The following IGSF21 variants were observed in gnomAD, a reference collection of about 807,000 sequenced individuals.
The protein encoded by IGSF21 is immunoglobin superfamily member 21, also known as immunoglobulin superfamily member 21.
In IGSF21, 28 loss-of-function variants were observed where a neutral mutation model predicts 46.8. That is an observed-to-expected ratio of 0.60 (90% CI 0.44 to 0.82). The LOEUF is 0.82. IGSF21 is among the 40% of genes least tolerant of loss of function. The probability of loss-of-function intolerance (pLI) is 0.00; values close to 1 mark genes in which losing one functional copy is unlikely to be tolerated. For missense variants in IGSF21, 624 were observed against 665.5 expected, an observed-to-expected ratio of 0.94 and a Z score of 0.69; for synonymous variants, 284 against 273.6, an observed-to-expected ratio of 1.04 and a Z score of -0.38.
At chr1:18,108,512 G>A (rs1384224771) in intron 1 of IGSF21, among the ~76,000 whole-genome samples, 8 of 151,948 alleles carry the variant, frequency 5.3e-5, no homozygotes, top group Admixed American at 5.2e-4. Context: ...GTGTGTGTGC[G>A]TGTGTGTGTG....
At position 18,367,063 on chromosome 1, in the gene IGSF21, C is replaced by G. The variant is rs539101551; in HGVS notation, c.1015+1366C>G. On this transcript the variant is annotated intron_variant, in intron 6 of 9. Coordinates refer to ENST00000251296, the MANE Select transcript of IGSF21 (RefSeq NM_032880.5). ...GCCCCCAGCAGCTCCTCCCTGAGCC[C>G]GAGATGCCTGGGCTCATACTCCAAA... Among the ~76,000 whole-genome samples, 8 of 152,260 alleles carry G rather than the reference C, an allele frequency of 5.3e-5. No homozygotes were observed. In the East Asian group the frequency reaches 1.4e-3, roughly 26 times the overall value.
intron 4 of IGSF21, among the ~76,000 whole-genome samples, chr1:18,336,693 C>G (rs536147846): frequency 3.3e-5 from 5 of 152,304 alleles, no homozygotes; most frequent in East Asian, 3.9e-4. Context: ...ACCAAAGAAC[C>G]CTGAGCAGGT....
chr1:18,153,564 ATGAC>A (rs1183261332), intron 1 of IGSF21, among the ~76,000 whole-genome samples: 3 of 152,206 alleles, frequency 2.0e-5, no homozygotes, highest in African/African-American at 7.2e-5. Context: ...CACGGGGTGG[ATGAC>A]TGACTGGGAA....
At chr1:18,185,397 A>C (rs371850810) in intron 1 of IGSF21, among the ~76,000 whole-genome samples, 61 of 152,272 alleles carry the variant, frequency 4.0e-4, no homozygotes, top group African/African-American at 1.4e-3. Context: ...TATTAAAGTT[A>C]ATGGTTGAGG....
chr1:18,229,499 A>G (rs372491836), intron 2 of IGSF21, among the ~76,000 whole-genome samples: 8 of 152,204 alleles, frequency 5.3e-5, no homozygotes, highest in East Asian at 3.9e-4. Context: ...TGTTGTTGCT[A>G]TTTTGTTGGC....
chr1:18,355,518 C>A (rs2086006640), intron 4 of IGSF21, among the ~76,000 whole-genome samples: 1 of 152,018 alleles, frequency 6.6e-6, no homozygotes. Context: ...TGACATACAG[C>A]TGTGTTAGAT....
chr1:18,198,006 A>G (rs148764591), intron 1 of IGSF21, among the ~76,000 whole-genome samples: 56 of 152,302 alleles, frequency 3.7e-4, no homozygotes, highest in African/African-American at 1.3e-3. Flanking sequence ...TTAAAAATTC[A>G]ATGTGCTTAA....
intron 4 of IGSF21, among the ~76,000 whole-genome samples, chr1:18,360,362 C>CTGAA (rs1446635671): frequency 4.6e-5 from 7 of 152,144 alleles, no homozygotes; most frequent in Non-Finnish European, 1.0e-4. Context: ...GGTTGGCTCC[C>CTGAA]TGAATGAATG....
chr1:18,254,872 A>G (rs998293290), intron 2 of IGSF21, among the ~76,000 whole-genome samples: 1 of 151,884 alleles, frequency 6.6e-6, no homozygotes, highest in Non-Finnish European at 1.5e-5. Flanking sequence ...CCATCCATCC[A>G]TCCATCCATC....
intron 2 of IGSF21, among the ~76,000 whole-genome samples, chr1:18,249,311 CCA>C (rs2084814192): frequency 1.3e-5 from 2 of 152,104 alleles, no homozygotes; most frequent in African/African-American, 4.8e-5. Context: ...GCAGCTGCAG[CCA>C]TTCAGGTGAA....
chr1:18,167,080 T>C (rs1485227883), intron 1 of IGSF21: 1 of 152,836 alleles, frequency 6.5e-6, no homozygotes, highest in Non-Finnish European at 1.5e-5. Flanking sequence ...AGGCCACAAG[T>C]GCTTGCAGAG....
intron 4 of IGSF21, among the ~76,000 whole-genome samples, chr1:18,345,909 C>T (rs1175356686): frequency 6.6e-6 from 1 of 152,224 alleles, no homozygotes; most frequent in African/African-American, 2.4e-5. Context: ...TGCTCCCCCA[C>T]CTCTCACTGG....
chr1:18,172,038 G>A (rs2086742073), intron 1 of IGSF21, among the ~76,000 whole-genome samples: 1 of 152,214 alleles, frequency 6.6e-6, no homozygotes, highest in Non-Finnish European at 1.5e-5. Context: ...GTTGAGGGCT[G>A]GAACCACAGC....
chr1:18,328,469 T>C (rs1420968786), intron 3 of IGSF21, among the ~76,000 whole-genome samples: 2 of 152,216 alleles, frequency 1.3e-5, no homozygotes, highest in South Asian at 2.1e-4. Flanking sequence ...AGTAAAAAAA[T>C]CGTAAGTTGA....
intron 2 of IGSF21, among the ~76,000 whole-genome samples, chr1:18,251,158 G>A (rs569582361): frequency 6.6e-6 from 1 of 152,258 alleles, no homozygotes; most frequent in African/African-American, 2.4e-5. Flanking sequence ...ACAAGTCAGG[G>A]CGGTGACAGG....
chr1:18,263,929 C>G (rs574436912), intron 2 of IGSF21, among the ~76,000 whole-genome samples: 1 of 152,186 alleles, frequency 6.6e-6, no homozygotes, highest in African/African-American at 2.4e-5. Context: ...TAAGTGGAAG[C>G]AACAACTCAT....
In IGSF21 at chr1:18,364,722, G is replaced by A. The variant is rs566720512; in HGVS notation, c.541-501G>A. On this transcript the variant is annotated intron_variant, in intron 5 of 9. Coordinates refer to ENST00000251296, the MANE Select transcript of IGSF21 (RefSeq NM_032880.5). ...GTTTTCTGCCTTCCATCTCCAAAACGCACACGCACAGAGATTCTTTCTTCC... is the reference window on the plus strand; with the variant it reads ...GTTTTCTGCCTTCCATCTCCAAAACACACACGCACAGAGATTCTTTCTTCC... Among the ~76,000 whole-genome samples the A allele has an allele frequency of 3.3e-5, 5 of 151,938 alleles. No homozygotes were observed. In the East Asian group the frequency reaches 5.8e-4, roughly 18 times the overall value.
At chr1:18,258,347 G>T (rs760397219) in intron 2 of IGSF21, among the ~76,000 whole-genome samples, 1 of 152,188 alleles carries the variant, frequency 6.6e-6, no homozygotes, top group Non-Finnish European at 1.5e-5. Flanking sequence ...TGTCCCAGAG[G>T]CAAGAGAAGG....
At chr1:18,297,271 G>A (rs2085320664) in intron 3 of IGSF21, among the ~76,000 whole-genome samples, 1 of 152,132 alleles carries the variant, frequency 6.6e-6, no homozygotes. Flanking sequence ...GAACATGGTG[G>A]TGGAGTCCTT....
Sources: gnomAD v4.1 joint callset for allele counts (sites outside exome capture counted in the v4.1 genomes callset) on GRCh38, gnomAD v4.1.1 for gene constraint, MANE v1.5 for transcripts, NCBI Gene and HGNC (gene_info 2026-07-23, HGNC 2026-07-21) for gene names.